The following ZNF521 variants were observed in gnomAD, a reference collection of about 807,000 sequenced individuals.
ZNF521 encodes LYST-interacting protein 3.
A neutral mutation model predicts 105.5 loss-of-function variants in ZNF521; 14 were observed. That is an observed-to-expected ratio of 0.13 (90% confidence interval 0.09 to 0.21). The LOEUF (loss-of-function observed/expected upper bound fraction) is 0.21, where lower values mean the gene tolerates loss of function less well. Among genes scored for constraint, ZNF521 ranks in the 10% least tolerant of loss-of-function variants. The probability of loss-of-function intolerance (pLI) is 1.00; values close to 1 mark genes in which losing one functional copy is unlikely to be tolerated. For synonymous variants in ZNF521, 635 were observed against 606.0 expected (o/e 1.05, Z -0.70); for missense variants, 1,233 against 1,629.7 (o/e 0.76, Z 4.19).
At chr18:25,121,248 G>A (rs570727251) in intron 5 of ZNF521, among the ~76,000 whole-genome samples, 2 of 144,134 alleles carry the variant, frequency 1.4e-5, no homozygotes, top group South Asian at 2.3e-4. Context: ...AGTAGCCACC[G>A]CGCCCAGCCT....
At chr18:25,188,124 T>C (rs992090997) in intron 5 of ZNF521, among the ~76,000 whole-genome samples, 2 of 152,140 alleles carry the variant, frequency 1.3e-5, no homozygotes, top group Non-Finnish European at 2.9e-5. Context: ...CCCACACGGC[T>C]GCCCCATACA....
At position 25,224,885 on chromosome 18, in the gene ZNF521, A is replaced by G. The variant is rs1400276416; in HGVS notation, c.3033T>C (p.Pro1011=). The part of the protein sequence containing the change: ...EEFLEHCQMH[P]DLRNSLTGFR... ...AGCCTGTCAGGGAATTCCTCAAGTC[A>G]GGGTGCATTTGGCAATGCTCTAAAA... Residue 1011 remains proline, a synonymous_variant, in exon 4 of 8, where the codon CCT becomes CCC. Transcript: ENST00000361524. 1.5e-5 allele frequency: 25 copies of G among 1,613,928 alleles called. No individual in the cohort carries two copies. The highest frequency in any genetic ancestry group is 1.9e-5 in the Non-Finnish European group (22 of 1,180,026).
intron 3 of ZNF521, among the ~76,000 whole-genome samples, chr18:25,278,271 T>G (rs2144975660): frequency 6.6e-6 from 1 of 152,334 alleles, no homozygotes; most frequent in East Asian, 1.9e-4. Flanking sequence ...TTCTTTCATC[T>G]GTGATTTTTT....
At chr18:25,132,482 GT>G (rs2034658960) in intron 5 of ZNF521, among the ~76,000 whole-genome samples, 1 of 151,988 alleles carries the variant, frequency 6.6e-6, no homozygotes, top group Non-Finnish European at 1.5e-5. Context: ...ATTTTGTTTT[GT>G]TTTGTTTTAT....
chr18:25,278,901 T>C (rs956996613), intron 3 of ZNF521, among the ~76,000 whole-genome samples: 1 of 152,230 alleles, frequency 6.6e-6, no homozygotes, highest in African/African-American at 2.4e-5. Context: ...ACTTTATAAC[T>C]CCGTTATTTT....
intron 5 of ZNF521, among the ~76,000 whole-genome samples, chr18:25,184,378 G>T (rs1429984347): frequency 6.6e-6 from 1 of 152,062 alleles, no homozygotes; most frequent in African/African-American, 2.4e-5. Flanking sequence ...TCTACTGGAG[G>T]TCTGCAGAGT....
At chr18:25,087,118 G>A (rs1160623371) in intron 7 of ZNF521, among the ~76,000 whole-genome samples, 1 of 152,066 alleles carries the variant, frequency 6.6e-6, no homozygotes, top group Non-Finnish European at 1.5e-5. Context: ...AGATTTCTCA[G>A]TTTTGATTTT....
At chr18:25,088,596 G>C (rs1007303347) in intron 7 of ZNF521, among the ~76,000 whole-genome samples, 1 of 152,054 alleles carries the variant, frequency 6.6e-6, no homozygotes, top group Non-Finnish European at 1.5e-5. Context: ...GTTACTCTCA[G>C]ATCATTTCAT....
chr18:25,314,530 A>C (rs912543795), intron 3 of ZNF521, among the ~76,000 whole-genome samples: 7 of 152,216 alleles, frequency 4.6e-5, no homozygotes, highest in Non-Finnish European at 1.0e-4. Flanking sequence ...AACAACATCC[A>C]CTCATCAATT....
At position 25,342,577 on chromosome 18, in the gene ZNF521, C is replaced by T. The variant is rs1194786994; in HGVS notation, c.40+8330G>A. Among the ~76,000 whole-genome samples the T allele has an allele frequency of 1.6e-3, 150 of 95,562 alleles. 10 individuals carry two copies. The highest frequency in any genetic ancestry group is 3.3e-3 in the Admixed American group (28 of 8,478). 62.7% of individuals were successfully genotyped at this position (95,562 alleles called of 152,430 possible). On this transcript the variant is annotated intron_variant, in intron 2 of 7. Coordinates refer to ENST00000361524, the MANE Select transcript of ZNF521 (RefSeq NM_015461.3). ...CCAAGTAGCTGGGACTACAGGCGCC[C>T]GTCACCACGCCCGGCTAATTTTTTG...
chr18:25,183,864 A>G (rs748554494), intron 5 of ZNF521, among the ~76,000 whole-genome samples: 6 of 152,172 alleles, frequency 3.9e-5, no homozygotes, highest in Non-Finnish European at 8.8e-5. Flanking sequence ...ATTTGATTTT[A>G]CTGTTCAAAA....
chr18:25,336,531 TCAC>T (rs1478933454), intron 2 of ZNF521, among the ~76,000 whole-genome samples: 2 of 152,230 alleles, frequency 1.3e-5, no homozygotes, highest in African/African-American at 4.8e-5. Flanking sequence ...TTAATTAGCT[TCAC>T]TTTATGCTTC....
chr18:25,074,803 G>A (rs2033320617), intron 7 of ZNF521, among the ~76,000 whole-genome samples: 1 of 151,882 alleles, frequency 6.6e-6, no homozygotes, highest in Non-Finnish European at 1.5e-5. Context: ...TTACTTCTAG[G>A]TCTCTGTGGG....
chr18:25,243,521 T>C (rs915085423), intron 3 of ZNF521, among the ~76,000 whole-genome samples: 1 of 152,356 alleles, frequency 6.6e-6, no homozygotes, highest in Middle Eastern at 3.4e-3. Flanking sequence ...GCAGAAGATC[T>C]GGTGTCAAAA....
chr18:25,256,942 T>C (rs1908555944), intron 3 of ZNF521, among the ~76,000 whole-genome samples: 1 of 151,948 alleles, frequency 6.6e-6, no homozygotes, highest in Admixed American at 6.6e-5. Context: ...TGGCAAAAAA[T>C]ACTTCAATAA....
intron 2 of ZNF521, among the ~76,000 whole-genome samples, chr18:25,346,130 C>T (rs1427927721): frequency 6.6e-6 from 1 of 152,014 alleles, no homozygotes; most frequent in Non-Finnish European, 1.5e-5. Flanking sequence ...AAAAGCAAAG[C>T]ACTGCACTGT....
intron 3 of ZNF521, among the ~76,000 whole-genome samples, chr18:25,268,324 T>C (rs985292116): frequency 2.0e-5 from 3 of 152,060 alleles, no homozygotes; most frequent in Non-Finnish European, 2.9e-5. Context: ...TACCTGAAAG[T>C]GATGGGGACA....
intron 2 of ZNF521, among the ~76,000 whole-genome samples, chr18:25,337,421 T>C (rs1192379418): frequency 2.0e-5 from 3 of 152,168 alleles, no homozygotes; most frequent in Admixed American, 2.0e-4. Flanking sequence ...GAGCTAATTT[T>C]CTTAATAATA....
intron 3 of ZNF521, among the ~76,000 whole-genome samples, chr18:25,312,817 C>CAA (rs11343299): frequency 5.5e-3 from 87 of 15,938 alleles, no homozygotes; most frequent in East Asian, 7.4e-3. Flanking sequence ...GACTCCGTCT[C>CAA]AAAAAAAAAA....
Sources: gnomAD v4.1 joint callset for allele counts (sites outside exome capture counted in the v4.1 genomes callset) on GRCh38, gnomAD v4.1.1 for gene constraint, MANE v1.5 for transcripts, NCBI Gene and HGNC (gene_info 2026-07-23, HGNC 2026-07-21) for gene names.